NR1H4: variants seen among roughly 807,000 people sequenced by gnomAD.
NR1H4 encodes bile acid receptor.
In NR1H4, 23 loss-of-function variants were observed where a neutral mutation model predicts 58.5. That is an observed-to-expected ratio of 0.39 (90% CI 0.28 to 0.56). NR1H4 has a LOEUF of 0.56. Among genes scored for constraint, NR1H4 ranks in the 20% least tolerant of loss-of-function variants. The probability of loss-of-function intolerance (pLI) is 0.58; values close to 1 mark genes in which losing one functional copy is unlikely to be tolerated. For missense variants in NR1H4, 487 were observed against 576.9 expected (o/e 0.84, Z 1.60); for synonymous variants, 214 against 198.0 (o/e 1.08, Z -0.68).
Position 100,511,018 on chromosome 12 carries a change from C to T in NR1H4, c.320C>T (p.Pro107Leu). 3.7e-6 allele frequency: 6 copies of T among 1,614,246 alleles called. No individual in the cohort carries two copies. Among genetic ancestry groups the T allele is most frequent in the Non-Finnish European group, 5.1e-6 (6 of 1,180,050 alleles). ...GGAGAAACTGAGGTAGCAGAGATGC[C>T]TGTAACAAAGAAGCCCCGCATGGGC... ...YQGETEVAEM[P>L]VTKKPRMGAS... The change falls in exon 4 of 11, where the codon CCT (proline) becomes CTT (leucine). Residue 107 changes from proline to leucine, a missense_variant. Transcript: ENST00000392986.
In NR1H4 at chr12:100,532,573, CAA is replaced by C; in HGVS notation, c.563_564del (p.Lys188ArgfsTer7). ...KCQECRLRKCKEMGMLAECMY... is the reference protein window; with the variant it reads ...KCQECRLRKCXEMGMLAECMY... The stretch of plus-strand genomic sequence containing the variant: ...GTCAAGAGTGTCGACTAAGGAAATG[CAA>C]AGAGATGGGAATGTTGGCTGAATGT... On this transcript the variant is annotated frameshift_variant, in exon 5 of 11. Transcript: ENST00000392986. LOFTEE classifies it high-confidence loss of function. 1 of 1,614,088 alleles carries C rather than the reference CAA, an allele frequency of 6.2e-7. No individual in the cohort carries two copies. Among genetic ancestry groups the C allele is most frequent in the Non-Finnish European group, 8.5e-7 (1 of 1,179,972 alleles).
At chr12:100,522,105 TGAG>T (rs1272194634) in intron 4 of NR1H4, among the ~76,000 whole-genome samples, 1 of 151,754 alleles carries the variant, frequency 6.6e-6, no homozygotes, top group Non-Finnish European at 1.5e-5. Context: ...GAGATAAAGA[TGAG>T]GAGATGATGA....
Position 100,511,148 on chromosome 12 carries a change from G to A in NR1H4, c.445+5G>A, listed in dbSNP as rs772766411. On this transcript the variant is annotated splice_donor_5th_base_variant and intron_variant, in intron 4 of 10. Coordinates refer to ENST00000392986, the MANE Select transcript of NR1H4 (RefSeq NM_001206979.2). ...TGACCTGTGAGGGGTGTAAAGGTAA[G>A]CATCTTTGATTGGCAGTTTTCTCCT... 13 of 1,614,112 alleles carry A rather than the reference G, an allele frequency of 8.1e-6. No homozygotes were observed. The highest frequency in any genetic ancestry group is 4.4e-5 in the South Asian group (4 of 91,086).
At chr12:100,498,468 G>A (rs926084232) in intron 3 of NR1H4, among the ~76,000 whole-genome samples, 10 of 152,002 alleles carry the variant, frequency 6.6e-5, no homozygotes, top group Non-Finnish European at 1.3e-4. Context: ...GTGAAACCTC[G>A]TCTCTACTAA....
intron 9 of NR1H4, among the ~76,000 whole-genome samples, chr12:100,546,407 C>T (rs940282692): frequency 2.6e-5 from 4 of 151,912 alleles, no homozygotes; most frequent in East Asian, 1.9e-4. Flanking sequence ...TCCAAATCAA[C>T]GTCCATTGCC....
chr12:100,557,692 A>G (rs533094482), intron 9 of NR1H4, among the ~76,000 whole-genome samples: 2 of 152,112 alleles, frequency 1.3e-5, no homozygotes, highest in African/African-American at 4.8e-5. Context: ...GCGGTATTTG[A>G]TTTTCTGCTT....
intron 8 of NR1H4, among the ~76,000 whole-genome samples, chr12:100,539,378 G>A (rs1457540897): frequency 6.6e-6 from 1 of 152,120 alleles, no homozygotes; most frequent in African/African-American, 2.4e-5. Flanking sequence ...TATTCATTGA[G>A]CACAACCTGT....
chr12:100,545,864 G>A (rs1955057884), intron 9 of NR1H4, among the ~76,000 whole-genome samples: 1 of 151,992 alleles, frequency 6.6e-6, no homozygotes, highest in Non-Finnish European at 1.5e-5. Flanking sequence ...GAAGAATAAA[G>A]GGGGAGGAAG....
chr12:100,519,229 G>T (rs761157180), intron 4 of NR1H4, among the ~76,000 whole-genome samples: 6 of 152,026 alleles, frequency 3.9e-5, no homozygotes, highest in Admixed American at 3.9e-4. Flanking sequence ...TCTAGAGCTC[G>T]GTGGAAACTT....
At chr12:100,514,821 G>A (rs1349645577) in intron 4 of NR1H4, among the ~76,000 whole-genome samples, 1 of 151,964 alleles carries the variant, frequency 6.6e-6, no homozygotes, top group Admixed American at 6.6e-5. Context: ...TATTATAATA[G>A]CTATATTATA....
intron 4 of NR1H4, among the ~76,000 whole-genome samples, chr12:100,517,670 C>A (rs1276440587): frequency 2.0e-5 from 3 of 152,170 alleles, no homozygotes; most frequent in Non-Finnish European, 4.4e-5. Context: ...TGACTTTTCT[C>A]TACATCCTTG....
At chr12:100,547,911 G>A (rs971386491) in intron 9 of NR1H4, among the ~76,000 whole-genome samples, 11 of 150,678 alleles carry the variant, frequency 7.3e-5, no homozygotes, top group East Asian at 2.0e-4. Flanking sequence ...TAGTAGAGAC[G>A]GGGTTTTACC....
At chr12:100,482,382 G>A (rs1953400737) in intron 1 of NR1H4, among the ~76,000 whole-genome samples, 1 of 152,110 alleles carries the variant, frequency 6.6e-6, no homozygotes, top group Non-Finnish European at 1.5e-5. Flanking sequence ...GCCTAAGCAA[G>A]ACTGATTCTA....
At chr12:100,551,582 CA>C (rs2136291272) in intron 9 of NR1H4, among the ~76,000 whole-genome samples, 1 of 152,286 alleles carries the variant, frequency 6.6e-6, no homozygotes, top group African/African-American at 2.4e-5. Context: ...ATTTAGGACT[CA>C]AATTATAGGA....
At position 100,515,909 on chromosome 12, in the gene NR1H4, G is replaced by T. The variant is rs190144529; in HGVS notation, c.445+4766G>T. 7.8e-3 allele frequency among the ~76,000 whole-genome samples: 1,188 copies of T among 152,316 alleles called. 6 individuals are homozygous for T. Among genetic ancestry groups the T allele is most frequent in the Non-Finnish European group, 0.012 (837 of 68,030 alleles). ...TCAAAGCATAGTACCTGGACCAGCAGTATCAGTATCACTAGAGAATTTATA... is the reference window on the plus strand; with the variant it reads ...TCAAAGCATAGTACCTGGACCAGCATTATCAGTATCACTAGAGAATTTATA... On this transcript the variant is annotated intron_variant, in intron 4 of 10. Transcript: ENST00000392986.
chr12:100,517,679 T>G (rs964280465), intron 4 of NR1H4, among the ~76,000 whole-genome samples: 6 of 152,222 alleles, frequency 3.9e-5, no homozygotes, highest in African/African-American at 1.4e-4. Context: ...TCTACATCCT[T>G]GCCAAAACTT....
chr12:100,497,878 A>C (rs1297765447), intron 3 of NR1H4, among the ~76,000 whole-genome samples: 1 of 152,186 alleles, frequency 6.6e-6, no homozygotes, highest in East Asian at 1.9e-4. Flanking sequence ...AAAACTCAAA[A>C]ATTACAAAAA....
chr12:100,530,346 A>C (rs914339973), intron 4 of NR1H4, among the ~76,000 whole-genome samples: 2 of 152,198 alleles, frequency 1.3e-5, no homozygotes, highest in Non-Finnish European at 2.9e-5. Context: ...GACAAATAAT[A>C]CTATCTTCAT....
chr12:100,539,723 C>T (rs886184005), intron 8 of NR1H4, among the ~76,000 whole-genome samples: 1 of 152,080 alleles, frequency 6.6e-6, no homozygotes, highest in Non-Finnish European at 1.5e-5. Context: ...GCCTCTGCCC[C>T]CAAGAAATGT....
Sources: allele counts gnomAD v4.1 joint callset (sites outside exome capture counted in the v4.1 genomes callset), GRCh38; gene constraint gnomAD v4.1.1; transcripts MANE v1.5; gene names NCBI Gene and HGNC (gene_info 2026-07-23, HGNC 2026-07-21).